CAMK4: variants seen among roughly 807,000 people sequenced by gnomAD.
CAMK4 encodes the protein calcium/calmodulin-dependent protein kinase type IV.
A neutral mutation model predicts 44.9 loss-of-function variants in CAMK4; 22 were observed. The ratio of observed to expected loss-of-function variants is 0.49; its 90% CI spans 0.35 to 0.70. CAMK4 has a LOEUF of 0.70. Ranked by LOEUF, CAMK4 falls within the 30% of genes least tolerant of loss-of-function variation. CAMK4 has a pLI of 0.01. For missense variants in CAMK4, 498 were observed against 586.8 expected (o/e 0.85, Z 1.56); for synonymous variants, 218 against 215.4 (o/e 1.01, Z -0.11).
chr5:111,438,081 G>A (rs963036174), intron 5 of CAMK4, among the ~76,000 whole-genome samples: 3 of 152,216 alleles, frequency 2.0e-5, no homozygotes, highest in Non-Finnish European at 2.9e-5. Flanking sequence ...GATGTAGATG[G>A]CGAGGGAGAG....
chr5:111,413,982 G>A (rs1469724387), intron 5 of CAMK4, among the ~76,000 whole-genome samples: 1 of 151,846 alleles, frequency 6.6e-6, no homozygotes, highest in South Asian at 2.1e-4. Context: ...TATTATAATG[G>A]TCAACTAAAA....
rs1755670690 is a variant in CAMK4 at position 111,487,465 on chromosome 5, T to C, written c.*2999T>C. Reference sequence around the variant, plus strand: ...GGTAAAAATTAGAATAATATCGTGGTAGAAGTTAATTGTCCAGAACAAGTG... The same window carrying C: ...GGTAAAAATTAGAATAATATCGTGGCAGAAGTTAATTGTCCAGAACAAGTG... On this transcript the variant is annotated 3_prime_UTR_variant, in exon 11 of 11. Transcript: ENST00000282356. The C allele has an allele frequency of 1.3e-5, 2 of 152,112 alleles. No homozygotes were observed. The highest frequency in any genetic ancestry group is 4.8e-5 in the African/African-American group (2 of 41,428). The allele number at this position is 152,112 out of a possible 1,614,324, so 9.4% of individuals were successfully genotyped here.
intron 10 of CAMK4, among the ~76,000 whole-genome samples, chr5:111,483,245 G>A (rs770896053): frequency 4.9e-4 from 75 of 152,148 alleles, no homozygotes; most frequent in Non-Finnish European, 1.0e-3. Context: ...ATTGTTCAGG[G>A]AAAACTGATA....
intron 2 of CAMK4, among the ~76,000 whole-genome samples, chr5:111,369,607 A>G (rs1364798992): frequency 6.6e-6 from 1 of 152,116 alleles, no homozygotes; most frequent in Non-Finnish European, 1.5e-5. Flanking sequence ...TGATTCTCAC[A>G]AAGTTTTGCA....
intron 7 of CAMK4, among the ~76,000 whole-genome samples, chr5:111,458,368 C>T (rs1214437054): frequency 2.0e-5 from 3 of 152,138 alleles, no homozygotes; most frequent in African/African-American, 2.4e-5. Flanking sequence ...AAGAAAACTG[C>T]GTCTTTGGAG....
chr5:111,429,933 A>G (rs890268016), intron 5 of CAMK4, among the ~76,000 whole-genome samples: 1 of 141,910 alleles, frequency 7.0e-6, no homozygotes, highest in East Asian at 2.0e-4. Flanking sequence ...AAAAAAAAAA[A>G]TAGAAGAGGA....
chr5:111,427,088 C>G (rs981239869), intron 5 of CAMK4, among the ~76,000 whole-genome samples: 1 of 152,100 alleles, frequency 6.6e-6, no homozygotes, highest in South Asian at 2.1e-4. Flanking sequence ...AAAAGACACC[C>G]CTTCCTTTTG....
chr5:111,463,130 A>C (rs1016959696), intron 7 of CAMK4, among the ~76,000 whole-genome samples: 1 of 152,240 alleles, frequency 6.6e-6, no homozygotes, highest in African/African-American at 2.4e-5. Context: ...GAGCAATAAC[A>C]TGAATGGTAA....
At chr5:111,355,654 C>A (rs1269405194) in intron 2 of CAMK4, among the ~76,000 whole-genome samples, 1 of 127,464 alleles carries the variant, frequency 7.8e-6, no homozygotes, top group Non-Finnish European at 1.7e-5. Flanking sequence ...CCTCCCCCCT[C>A]CCCACACCCC....
At position 111,374,920 on chromosome 5, in the gene CAMK4, GT is replaced by G; in HGVS notation, c.303+13del. 1 of 1,590,142 alleles carries G rather than the reference GT, an allele frequency of 6.3e-7. No individual in the cohort carries two copies. The highest frequency in any genetic ancestry group is 8.6e-7 in the Non-Finnish European group (1 of 1,158,810). On this transcript the variant is annotated intron_variant, in intron 3 of 10. Coordinates refer to ENST00000282356, the MANE Select transcript of CAMK4 (RefSeq NM_001744.6). ...CTCTCACATCCAAACATTGTAAGTG[GT>G]TTTTAACCTACTATTTCAAATGATT...
At chr5:111,346,700 C>T (rs1020988239) in intron 2 of CAMK4, among the ~76,000 whole-genome samples, 3 of 151,978 alleles carry the variant, frequency 2.0e-5, no homozygotes, top group Middle Eastern at 3.4e-3. Context: ...CTTTTCCATG[C>T]CTCTCTCCTA....
At chr5:111,344,396 TTATA>T (rs5870441) in intron 2 of CAMK4, among the ~76,000 whole-genome samples, 4 of 149,758 alleles carry the variant, frequency 2.7e-5, no homozygotes, top group East Asian at 3.9e-4. Flanking sequence ...CTTGGAGATT[TTATA>T]TATATATATA....
intron 5 of CAMK4, among the ~76,000 whole-genome samples, chr5:111,402,938 T>A (rs957134721): frequency 6.6e-6 from 1 of 152,206 alleles, no homozygotes; most frequent in Non-Finnish European, 1.5e-5. Flanking sequence ...ATACAGTTTC[T>A]CAATGTTTCG....
chr5:111,335,070 C>A (rs1749340635), intron 1 of CAMK4, among the ~76,000 whole-genome samples: 1 of 151,428 alleles, frequency 6.6e-6, no homozygotes, highest in South Asian at 2.1e-4. Flanking sequence ...ACATGGTAGT[C>A]AGCAGTACTT....
rs1747192146 is a variant in CAMK4 at position 111,290,419 on chromosome 5, C to A, written c.162-53605C>A. On this transcript the variant is annotated intron_variant, in intron 1 of 10. Transcript: ENST00000282356. The surrounding 1 kb of genome is among the most constrained non-coding windows in gnomAD (Gnocchi z 4.5). ...TTATACTTCATTAGGGAATTAAATT[C>A]CAGGCAGTAGGAGTGAGCAATAAGA... is the stretch of plus-strand genomic sequence containing the variant. Among the ~76,000 whole-genome samples, 1 of 152,096 alleles carries A rather than the reference C, an allele frequency of 6.6e-6. No homozygotes were observed. The highest frequency in any genetic ancestry group is 1.5e-5 in the Non-Finnish European group (1 of 68,018).
intron 5 of CAMK4, among the ~76,000 whole-genome samples, chr5:111,397,469 ATAT>A (rs1421184416): frequency 6.6e-6 from 1 of 152,158 alleles, no homozygotes; most frequent in Non-Finnish European, 1.5e-5. Flanking sequence ...CAATTGTGTA[ATAT>A]TATACTCATT....
rs879774691 is a variant in CAMK4, at chr5:111,391,523, TA to T, written c.387-3177del. Among the ~76,000 whole-genome samples, 1,364 of 143,526 alleles carry T rather than the reference TA, an allele frequency of 9.5e-3. 7 individuals carry two copies. The highest frequency in any genetic ancestry group is 0.018 in the South Asian group (83 of 4,534). 94.2% of individuals were successfully genotyped at this position (143,526 alleles called of 152,430 possible). A position where few individuals can be genotyped will look rare whatever the true frequency, so the allele number is the denominator to read the frequency against. On this transcript the variant is annotated intron_variant, in intron 4 of 10. Transcript: ENST00000282356. ...GAAAGCATGTCAGGAAGAACACCCA[TA>T]AAAAAAAAACATGAAAATAAGACAG... is the stretch of plus-strand genomic sequence containing the variant.
At chr5:111,293,615 C>T (rs529600817) in intron 1 of CAMK4, among the ~76,000 whole-genome samples, 27 of 151,620 alleles carry the variant, frequency 1.8e-4, no homozygotes, top group African/African-American at 6.3e-4. Flanking sequence ...TTAGTTGAGA[C>T]GGGGTTTTAC....
chr5:111,335,414 T>C lies in CAMK4; in HGVS notation c.162-8610T>C, dbSNP rs930081329. 5.9e-5 allele frequency among the ~76,000 whole-genome samples: 9 copies of C among 151,450 alleles called. No homozygotes were observed. The Admixed American group carries it at 5.9e-4, about 10-fold the overall frequency. On this transcript the variant is annotated intron_variant, in intron 1 of 10. Coordinates refer to ENST00000282356, the MANE Select transcript of CAMK4 (RefSeq NM_001744.6). The stretch of plus-strand genomic sequence containing the variant: ...TCCATATGGGTATCTGTCTCTCAGC[T>C]AGTGGGTGAATAGTTATGTCAACAC...
Sources: gnomAD v4.1 joint callset for allele counts (sites outside exome capture counted in the v4.1 genomes callset) on GRCh38, gnomAD v4.1.1 for gene constraint, Gnocchi (gnomAD v3.1) non-coding constraint, MANE v1.5 for transcripts, NCBI Gene and HGNC (gene_info 2026-07-23, HGNC 2026-07-21) for gene names.